Variants in KRT86 observed in about 807,000 individuals in gnomAD.
KRT86 encodes keratin, type II cuticular Hb6.
In KRT86, 30 loss-of-function variants were observed where a neutral mutation model predicts 41.2. That is an observed-to-expected ratio of 0.73 (90% CI 0.54 to 0.99). KRT86 has a LOEUF of 0.99. KRT86 is among the 50% of genes least tolerant of loss of function. The probability of loss-of-function intolerance (pLI) is 0.00; values close to 1 mark genes in which losing one functional copy is unlikely to be tolerated. For missense variants in KRT86, 561 were observed against 571.4 expected (o/e 0.98, Z 0.19); for synonymous variants, 238 against 238.1 (o/e 1.00, Z 0.00).
intron 8 of KRT86, 126 bp from the exon 9 acceptor site, chr12:52,305,934 A>G: frequency 6.4e-7 from 1 of 1,567,198 alleles, no homozygotes; most frequent in Non-Finnish European, 8.7e-7. Context: ...TGTGAGTCCC[A>G]GGTGATGAAG....
intron 2 of KRT86, chr12:52,287,534 T>G (rs1051296348): frequency 1.9e-6 from 3 of 1,612,670 alleles, no homozygotes; most frequent in Non-Finnish European, 2.5e-6. Context: ...AGGGCACACA[T>G]AGGCTGTGTG....
At chr12:52,294,877 G>T (rs1392106209) in intron 2 of KRT86, among the ~76,000 whole-genome samples, 2 of 152,128 alleles carry the variant, frequency 1.3e-5, no homozygotes, top group Non-Finnish European at 2.9e-5. Context: ...CACATAAATG[G>T]ACTCATGTTG....
intron 2 of KRT86, 165 bp from the exon 3 acceptor site, chr12:52,301,748 C>T: frequency 1.4e-6 from 2 of 1,388,954 alleles, no homozygotes; most frequent in Non-Finnish European, 2.0e-6. Flanking sequence ...AGCTAAACAA[C>T]CCAAGCCCAT....
At chr12:52,308,371 C>T (rs753738037) in intron 10 of KRT86, 33 bp from the exon 11 acceptor site, 2 of 1,611,330 alleles carry the variant, frequency 1.2e-6, no homozygotes, top group African/African-American at 2.7e-5. Context: ...CGCGGCTGCG[C>T]CTGACGCGCG....
intron 2 of KRT86, among the ~76,000 whole-genome samples, chr12:52,276,641 G>T (rs774964453): frequency 3.3e-5 from 5 of 152,204 alleles, no homozygotes; most frequent in Non-Finnish European, 5.9e-5. Context: ...AGATGTATTT[G>T]TGGAACTGGG....
Position 52,291,220 on chromosome 12 carries a change from C to T in KRT86, c.-4-10693C>T, listed in dbSNP as rs1405675721. The T allele has an allele frequency of 2.7e-6, 4 of 1,466,114 alleles. No homozygotes were observed. The Admixed American group carries it at 6.6e-5, about 24-fold the overall frequency. 90.8% of individuals were successfully genotyped at this position (1,466,114 alleles called of 1,614,324 possible). ...GGGGCGTGAGGAGGCTCTCGTTGACCGACACGGTGGTGATGCATGGGGGAC... is the reference window on the plus strand; with the variant it reads ...GGGGCGTGAGGAGGCTCTCGTTGACTGACACGGTGGTGATGCATGGGGGAC... On this transcript the variant is annotated intron_variant, in intron 2 of 10. Transcript: ENST00000423955.
intron 2 of KRT86, chr12:52,286,662 C>A (rs1824800022): frequency 1.6e-6 from 2 of 1,217,342 alleles, no homozygotes; most frequent in Non-Finnish European, 1.2e-6. Flanking sequence ...ATGTCTGACC[C>A]CAAATCCCTC....
intron 2 of KRT86, among the ~76,000 whole-genome samples, chr12:52,282,236 A>ATTT (rs11376852): frequency 0.26 from 37,146 of 145,252 alleles, 5,344 homozygotes; most frequent in East Asian, 0.38. Flanking sequence ...CCCTGAAACA[A>ATTT]TTTTTTTTTT....
chr12:52,287,565 C>T (rs762070299), intron 2 of KRT86: 3 of 1,613,944 alleles, frequency 1.9e-6, no homozygotes, highest in Non-Finnish European at 2.5e-6. Context: ...GGCCCTCGGT[C>T]TCTCTGACCT....
chr12:52,307,144 A>G (rs1938537464), intron 9 of KRT86: 2 of 152,224 alleles, frequency 1.3e-5, no homozygotes, highest in African/African-American at 4.8e-5. Context: ...GAAATGGGGA[A>G]CACAGGTTTG....
At position 52,305,368 on chromosome 12, in the gene KRT86, T is replaced by C. The variant is rs768542333; in HGVS notation, c.864T>C (p.Arg288=). The C allele has an allele frequency of 1.5e-5, 24 of 1,614,064 alleles. No homozygotes were observed. The highest frequency in any genetic ancestry group is 1.1e-4 in the South Asian group (10 of 91,062). ...CACAGTACGATGACATTGTCACCCG[T>C]AGCCGGGCTGAGGCCGAGTCCTGGT... ...IKAQYDDIVT[R]SRAEAESWYR... Residue 288 remains arginine, a synonymous_variant, in exon 7 of 11, where the codon CGT becomes CGC. Coordinates refer to ENST00000423955, the MANE Select transcript of KRT86 (RefSeq NM_001320198.2).
At chr12:52,298,262 T>C (rs1307895401) in intron 2 of KRT86, among the ~76,000 whole-genome samples, 1 of 152,102 alleles carries the variant, frequency 6.6e-6, no homozygotes, top group Non-Finnish European at 1.5e-5. Flanking sequence ...ACAAATGGAG[T>C]AACCATGGCC....
intron 7 of KRT86, 125 bp downstream of exon 7, chr12:52,305,529 T>C: frequency 2.5e-6 from 4 of 1,599,418 alleles, no homozygotes; most frequent in Non-Finnish European, 3.4e-6. Flanking sequence ...CACTCTGATG[T>C]TGGGGTGGTA....
intron 2 of KRT86, chr12:52,288,561 G>A: frequency 1.5e-6 from 2 of 1,355,136 alleles, no homozygotes; most frequent in Non-Finnish European, 2.1e-6. Context: ...GCAGTCCCTG[G>A]TGTCCCATTC....
chr12:52,288,163 G>A, intron 2 of KRT86: 1 of 1,613,996 alleles, frequency 6.2e-7, no homozygotes, highest in Non-Finnish European at 8.5e-7. Context: ...AGGAGGTGAG[G>A]GCAGTGACTT....
At chr12:52,304,607 C>G (rs555099825) in intron 5 of KRT86, among the ~76,000 whole-genome samples, 3,182 of 151,444 alleles carry the variant, frequency 0.021, 46 homozygotes, top group Non-Finnish European at 0.03. Context: ...TGGAGCACTG[C>G]TGGGGGACAG....
Position 52,308,731 on chromosome 12 carries a change from C to G in KRT86, c.*146C>G. 1.4e-6 allele frequency: 1 copy of G among 736,046 alleles called. No homozygotes were observed. Among genetic ancestry groups the G allele is most frequent in the Non-Finnish European group, 2.2e-6 (1 of 454,600 alleles). 45.6% of individuals were successfully genotyped at this position (736,046 alleles called of 1,614,324 possible). ...AAGCGCCCTCCCCACCGCTCCGCTC[C>G]GGGAGCCATCCCCGGTCGCAGGAGT... On this transcript the variant is annotated 3_prime_UTR_variant, in exon 11 of 11. Coordinates refer to ENST00000423955, the MANE Select transcript of KRT86 (RefSeq NM_001320198.2).
chr12:52,276,020 C>A lies in KRT86; in HGVS notation c.-5+74C>A, dbSNP rs960826382. 4.1e-6 allele frequency: 4 copies of A among 985,570 alleles called. No individual in the cohort carries two copies. The African/African-American group carries it at 7.0e-5, about 17-fold the overall frequency. 61.1% of individuals were successfully genotyped at this position (985,570 alleles called of 1,614,324 possible). On this transcript the variant is annotated intron_variant, in intron 2 of 10. Coordinates refer to ENST00000423955, the MANE Select transcript of KRT86 (RefSeq NM_001320198.2). ...ACCATTATTTATGACAACTGCCCCT[C>A]CCCACCTACCCTTTGGATTAGATGG...
chr12:52,302,845 G>GGT (rs1555187710), intron 3 of KRT86, among the ~76,000 whole-genome samples: 4 of 139,388 alleles, frequency 2.9e-5, no homozygotes, highest in Non-Finnish European at 4.6e-5. Flanking sequence ...GGGGGGTGGG[G>GGT]GGGGGGTCAC....
Sources: gnomAD v4.1 joint callset for allele counts (sites outside exome capture counted in the v4.1 genomes callset) on GRCh38, gnomAD v4.1.1 for gene constraint, MANE v1.5 for transcripts, NCBI Gene and HGNC (gene_info 2026-07-23, HGNC 2026-07-21) for gene names.